MYO10: variants seen among roughly 807,000 people sequenced by gnomAD.
MYO10 encodes unconventional myosin-X.
Under a neutral mutation model 257.3 loss-of-function variants are expected in MYO10, and 133 were observed. The observed-to-expected ratio is 0.52, with a 90% CI of 0.45 to 0.60. MYO10 has a LOEUF of 0.60. MYO10 is among the 20% of genes least tolerant of loss of function. The pLI is 0.00. For missense variants in MYO10, 2,399 were observed against 2,635.7 expected, an observed-to-expected ratio of 0.91 and a Z score of 1.97; for synonymous variants, 1,104 against 1,028.6, an observed-to-expected ratio of 1.07 and a Z score of -1.40.
At chr5:16,933,914 A>C (rs528800701) in intron 1 of MYO10, among the ~76,000 whole-genome samples, 2 of 152,364 alleles carry the variant, frequency 1.3e-5, no homozygotes, top group South Asian at 4.1e-4. Flanking sequence ...AGTTCCCAGA[A>C]ATACCAAAGT....
intron 21 of MYO10, among the ~76,000 whole-genome samples, chr5:16,710,349 A>G (rs1189945071): frequency 2.0e-5 from 3 of 152,188 alleles, no homozygotes; most frequent in Non-Finnish European, 4.4e-5. Context: ...TTCAGGCCCG[A>G]CTGCCCATAC....
At chr5:16,789,520 A>C (rs1250007366) in intron 4 of MYO10, among the ~76,000 whole-genome samples, 1 of 152,178 alleles carries the variant, frequency 6.6e-6, no homozygotes, top group Non-Finnish European at 1.5e-5. Flanking sequence ...TACAGACTTC[A>C]CTCATGCCTG....
At chr5:16,747,908 A>G (rs112789913) in intron 19 of MYO10, among the ~76,000 whole-genome samples, 14,592 of 141,770 alleles carry the variant, frequency 0.1, 2,638 homozygotes, top group African/African-American at 0.36. Context: ...GACAGAGCGA[A>G]ACTCCGTCTC....
chr5:16,723,147 C>T, intron 19 of MYO10, among the ~76,000 whole-genome samples: 1 of 151,274 alleles, frequency 6.6e-6, no homozygotes, highest in East Asian at 1.9e-4. Context: ...GAGGCCGAGG[C>T]AGGCGGATCA....
intron 2 of MYO10, among the ~76,000 whole-genome samples, chr5:16,834,249 A>G (rs1244579463): frequency 6.6e-6 from 1 of 152,032 alleles, no homozygotes; most frequent in Non-Finnish European, 1.5e-5. Flanking sequence ...CTTACATTCT[A>G]TTGTAACCTC....
At position 16,749,171 on chromosome 5, in the gene MYO10, C is replaced by G. The variant is rs540895542; in HGVS notation, c.1929+5657G>C. On this transcript the variant is annotated intron_variant, in intron 19 of 40. Coordinates refer to ENST00000513610, the MANE Select transcript of MYO10 (RefSeq NM_012334.3). ...CTGAGGCCTGGTCTTCAGCCTCCCC[C>G]AGCACAGGCATCTTTCCCTTCTTCC... Among the ~76,000 whole-genome samples, 19 of 152,284 alleles carry G rather than the reference C, an allele frequency of 1.2e-4. No individual in the cohort carries two copies. The East Asian group carries it at 1.7e-3, about 14-fold the overall frequency.
At chr5:16,732,498 G>A (rs1739624900) in intron 19 of MYO10, among the ~76,000 whole-genome samples, 1 of 152,074 alleles carries the variant, frequency 6.6e-6, no homozygotes, top group South Asian at 2.1e-4. Flanking sequence ...CCACCATATT[G>A]AACAGGTCAT....
At position 16,666,798 on chromosome 5, in the gene MYO10, C is replaced by T. The variant is rs751919757; in HGVS notation, c.6076-5G>A. The stretch of plus-strand genomic sequence containing the variant: ...GAGCTTGGCCACATCCACCACCTGC[C>T]CAGGGGGAAGCAGAACCGACACAGC... On this transcript the variant is annotated splice_region_variant and splice_polypyrimidine_tract_variant and intron_variant, in intron 40 of 40. Transcript: ENST00000513610. 2 of 1,593,368 alleles carry T rather than the reference C, an allele frequency of 1.3e-6. No individual in the cohort carries two copies. Among genetic ancestry groups the T allele is most frequent in the Non-Finnish European group, 1.7e-6 (2 of 1,171,614 alleles).
intron 2 of MYO10, among the ~76,000 whole-genome samples, chr5:16,849,933 C>A (rs1743750677): frequency 6.6e-6 from 1 of 152,156 alleles, no homozygotes; most frequent in Admixed American, 6.5e-5. Context: ...GTCTTTAGAG[C>A]CAGCATAATG....
intron 6 of MYO10, 117 bp downstream of exon 6, chr5:16,781,588 C>A: frequency 5.4e-6 from 6 of 1,107,444 alleles, no homozygotes; most frequent in Non-Finnish European, 7.6e-6. Flanking sequence ...CTGTCTAATT[C>A]GTTAAAGAAC....
chr5:16,716,705 G>A (rs923330030), intron 19 of MYO10, among the ~76,000 whole-genome samples: 1 of 151,938 alleles, frequency 6.6e-6, no homozygotes, highest in Non-Finnish European at 1.5e-5. Context: ...GGCTGGGGGT[G>A]GTAGGAATCC....
chr5:16,699,750 G>A, intron 25 of MYO10, 177 bp from the exon 26 acceptor site: 1 of 457,856 alleles, frequency 2.2e-6, no homozygotes, highest in Non-Finnish European at 3.7e-6. Flanking sequence ...TCGTGCCACT[G>A]CACTCCAGCC....
In MYO10 at chr5:16,808,591, T is replaced by C. The variant is rs1418839159; in HGVS notation, c.279+9418A>G. ...CAAGCTGTTAACTGAAGTCAAGGTCTTCAAGGTAGAGGCTGGCATTTCCAT... is the reference window on the plus strand; with the variant it reads ...CAAGCTGTTAACTGAAGTCAAGGTCCTCAAGGTAGAGGCTGGCATTTCCAT... On this transcript the variant is annotated intron_variant, in intron 3 of 40. Transcript: ENST00000513610. Among the ~76,000 whole-genome samples, 3 of 152,238 alleles carry C rather than the reference T, an allele frequency of 2.0e-5. No individual in the cohort carries two copies. In the East Asian group the frequency reaches 5.8e-4, roughly 29 times the overall value.
rs911306678 is a variant in MYO10 at position 16,897,071 on chromosome 5, G to A, written c.22-19364C>T. Among the ~76,000 whole-genome samples the A allele has an allele frequency of 3.9e-5, 6 of 152,096 alleles. No individual in the cohort carries two copies. In the South Asian group the frequency reaches 1.2e-3, roughly 32 times the overall value. On this transcript the variant is annotated intron_variant, in intron 1 of 40. Coordinates refer to ENST00000513610, the MANE Select transcript of MYO10 (RefSeq NM_012334.3). ...ATAAATTTTCTGTCAAGGAAACAAC[G>A]CATTGCTCCTGAGTAATCTACTACA...
rs544829901 is a variant in MYO10 at position 16,905,588 on chromosome 5, C to A, written c.22-27881G>T. Among the ~76,000 whole-genome samples, 4 of 152,268 alleles carry A rather than the reference C, an allele frequency of 2.6e-5. No individual in the cohort carries two copies. In the South Asian group the frequency reaches 8.3e-4, roughly 32 times the overall value. The stretch of plus-strand genomic sequence containing the variant: ...TGAGTCCATCTCAGACCTCCACTGA[C>A]CGATGAGTGCTGCAAAACAAGAAAG... On this transcript the variant is annotated intron_variant, in intron 1 of 40. Transcript: ENST00000513610.
At chr5:16,689,710 A>C (rs1431752482) in intron 28 of MYO10, 114 bp downstream of exon 28, 4 of 788,690 alleles carry the variant, frequency 5.1e-6, no homozygotes, top group Non-Finnish European at 6.3e-6. Context: ...TCTTCAAAAA[A>C]AGTCAATTAA....
chr5:16,677,246 G>C (rs1422525049), intron 33 of MYO10, among the ~76,000 whole-genome samples: 1 of 152,022 alleles, frequency 6.6e-6, no homozygotes, highest in Admixed American at 6.6e-5. Flanking sequence ...CCAATTGAAG[G>C]CCATAAAAAT....
In MYO10 at chr5:16,670,713, A is replaced by G; in HGVS notation, c.5696T>C (p.Val1899Ala). ...CTGCTCCTCCTCGACCTTCTGCCGG[A>G]CCACGGATCCTGTCCGGAAGCTCCG... ...LRRSFRTGSVVRQKVEEEQML... is the reference protein window; with the variant it reads ...LRRSFRTGSVARQKVEEEQML... The change falls in exon 39 of 41, where the codon GTC (valine) becomes GCC (alanine). Residue 1899 changes from valine to alanine, a missense_variant. By Grantham distance (64) the Val-to-Ala change is moderately conservative. Coordinates refer to ENST00000513610, the MANE Select transcript of MYO10 (RefSeq NM_012334.3). 1 of 1,613,986 alleles carries G rather than the reference A, an allele frequency of 6.2e-7. No homozygotes were observed. The highest frequency in any genetic ancestry group is 1.1e-5 in the South Asian group (1 of 91,076).
chr5:16,826,331 T>G (rs1042236423), intron 2 of MYO10, among the ~76,000 whole-genome samples: 1 of 152,024 alleles, frequency 6.6e-6, no homozygotes, highest in African/African-American at 2.4e-5. Flanking sequence ...GTCTGTAAAA[T>G]AAGGATGATG....
Sources: allele counts gnomAD v4.1 joint callset (sites outside exome capture counted in the v4.1 genomes callset), GRCh38; gene constraint gnomAD v4.1.1; transcripts MANE v1.5; gene names NCBI Gene and HGNC (gene_info 2026-07-23, HGNC 2026-07-21).